Variants in CRACD observed in about 807,000 individuals in gnomAD.
CRACD encodes the protein capping protein inhibiting regulator of actin dynamics.
Under a neutral mutation model 106.8 loss-of-function variants are expected in CRACD, and 56 were observed. The ratio of observed to expected loss-of-function variants is 0.52; its 90% CI spans 0.42 to 0.66. The LOEUF (loss-of-function observed/expected upper bound fraction) is 0.66, where lower values mean the gene tolerates loss of function less well. Ranked by LOEUF, CRACD falls within the 30% of genes least tolerant of loss-of-function variation. CRACD has a pLI of 0.00. For missense variants in CRACD, 1,730 were observed against 1,623.2 expected, an observed-to-expected ratio of 1.07 and a Z score of -1.13; for synonymous variants, 754 against 670.8, an observed-to-expected ratio of 1.12 and a Z score of -1.92.
intron 1 of CRACD, among the ~76,000 whole-genome samples, chr4:56,177,313 T>C (rs544335694): frequency 1.3e-5 from 2 of 152,378 alleles, no homozygotes; most frequent in South Asian, 4.1e-4. Flanking sequence ...AGGAGGCATC[T>C]ATTGAAATCA....
At chr4:56,176,468 G>A (rs180766448) in intron 1 of CRACD, among the ~76,000 whole-genome samples, 151 of 139,502 alleles carry the variant, frequency 1.1e-3, no homozygotes, top group African/African-American at 3.1e-3. Context: ...TTGCTCTGTC[G>A]TCCAGACTGG....
chr4:56,200,933 GAA>G (rs1577734355), intron 2 of CRACD, among the ~76,000 whole-genome samples: 1 of 152,154 alleles, frequency 6.6e-6, no homozygotes, highest in East Asian at 1.9e-4. Flanking sequence ...ACTAATTTCA[GAA>G]TTAAAATTTA....
At chr4:56,298,473 G>T in intron 4 of CRACD, 124 bp downstream of exon 4, 2 of 1,136,866 alleles carry the variant, frequency 1.8e-6, no homozygotes, top group Non-Finnish European at 2.5e-6. Context: ...CTCCTGGTGA[G>T]AATTATTGCT....
intron 4 of CRACD, 61 bp downstream of exon 4, chr4:56,298,410 G>A (rs1744178901): frequency 1.3e-6 from 2 of 1,594,648 alleles, no homozygotes; most frequent in African/African-American, 1.3e-5. Flanking sequence ...GAAGGGAAGT[G>A]GGAAAAGTCC....
intron 1 of CRACD, among the ~76,000 whole-genome samples, chr4:56,121,785 AACTT>A (rs577287764): frequency 1.6e-3 from 240 of 152,346 alleles, no homozygotes; most frequent in African/African-American, 5.5e-3. Flanking sequence ...TCTGCAAACT[AACTT>A]ATCTGTAGAA....
At chr4:56,191,357 G>A (rs548308707) in intron 2 of CRACD, among the ~76,000 whole-genome samples, 2 of 151,808 alleles carry the variant, frequency 1.3e-5, no homozygotes, top group East Asian at 3.9e-4. Context: ...CAGCTGCATA[G>A]CATCTTCCAG....
chr4:56,232,930 T>C (rs2109539719), intron 2 of CRACD, among the ~76,000 whole-genome samples: 1 of 151,948 alleles, frequency 6.6e-6, no homozygotes, highest in East Asian at 1.9e-4. Flanking sequence ...GGTTTCACCA[T>C]ATCGAACAGG....
At chr4:56,306,421 G>A (rs187575584) in intron 4 of CRACD, among the ~76,000 whole-genome samples, 27 of 152,216 alleles carry the variant, frequency 1.8e-4, no homozygotes, top group Admixed American at 1.3e-3. Context: ...CTGAGCATGG[G>A]AGAATCATCT....
intron 1 of CRACD, among the ~76,000 whole-genome samples, chr4:56,098,330 T>C (rs928547266): frequency 6.6e-6 from 1 of 152,212 alleles, no homozygotes; most frequent in African/African-American, 2.4e-5. Context: ...ATTTTTTGTG[T>C]TTTCATATAT....
intron 2 of CRACD, among the ~76,000 whole-genome samples, chr4:56,185,859 G>A (rs1331439426): frequency 6.6e-6 from 1 of 152,138 alleles, no homozygotes; most frequent in African/African-American, 2.4e-5. Context: ...TTGGCATTGG[G>A]ATAGCTGGAG....
intron 10 of CRACD, among the ~76,000 whole-genome samples, chr4:56,325,659 T>G (rs1433417832): frequency 6.6e-6 from 1 of 152,218 alleles, no homozygotes; most frequent in Non-Finnish European, 1.5e-5. Flanking sequence ...AACGATGTAA[T>G]GTATCCAACT....
Position 56,314,410 on chromosome 4 carries a change from C to CAGAGCGGAG in CRACD, c.908_909insAGAGCGGAG (p.Arg306_Arg308dup). On this transcript the variant is annotated inframe_insertion, in exon 8 of 11. Coordinates refer to ENST00000682029, the MANE Select transcript of CRACD (RefSeq NM_001393381.1). The surrounding 1 kb of genome is among the most constrained non-coding windows in gnomAD (Gnocchi z 4.4). ...CTGGAAGCGCCAGGTTGGGAGGACG[C>CAGAGCGGAG]GGAGCGGAGGGAGCGTGAGGAGCGC... The CAGAGCGGAG allele has an allele frequency of 1.3e-6, 2 of 1,540,992 alleles. No homozygotes were observed. The highest frequency in any genetic ancestry group is 1.7e-6 in the Non-Finnish European group (2 of 1,143,526).
chr4:56,165,222 T>G (rs906341894), intron 1 of CRACD, among the ~76,000 whole-genome samples: 3 of 152,220 alleles, frequency 2.0e-5, no homozygotes, highest in Non-Finnish European at 4.4e-5. Context: ...CTGCCTTCAG[T>G]GATGTTTCTC....
intron 4 of CRACD, among the ~76,000 whole-genome samples, chr4:56,298,698 C>T (rs553297876): frequency 6.6e-6 from 1 of 152,126 alleles, no homozygotes; most frequent in South Asian, 2.1e-4. Context: ...TTTGGGAGGC[C>T]GAGGCGGGTG....
intron 1 of CRACD, among the ~76,000 whole-genome samples, chr4:56,090,195 TA>T (rs1177493822): frequency 1.3e-5 from 2 of 150,392 alleles, no homozygotes; most frequent in Admixed American, 1.3e-4. Context: ...TTAAGAAAGG[TA>T]AACTTTACAC....
chr4:56,096,090 A>G (rs1733591970), intron 1 of CRACD, among the ~76,000 whole-genome samples: 1 of 151,998 alleles, frequency 6.6e-6, no homozygotes, highest in African/African-American at 2.4e-5. Flanking sequence ...GCAGGGGAGG[A>G]TCAGAGGTTC....
At chr4:56,078,810 T>C (rs541875205) in intron 1 of CRACD, among the ~76,000 whole-genome samples, 1 of 152,204 alleles carries the variant, frequency 6.6e-6, no homozygotes, top group Non-Finnish European at 1.5e-5. Context: ...TGGTGGGGGT[T>C]ACCCTTGGCT....
intron 2 of CRACD, among the ~76,000 whole-genome samples, chr4:56,186,367 C>T (rs1369833736): frequency 6.6e-6 from 1 of 152,156 alleles, no homozygotes; most frequent in Non-Finnish European, 1.5e-5. Context: ...AAACACAGGA[C>T]AAACGATGAC....
At chr4:56,125,858 G>A (rs1433766213) in intron 1 of CRACD, among the ~76,000 whole-genome samples, 7 of 128,442 alleles carry the variant, frequency 5.4e-5, no homozygotes, top group African/African-American at 1.8e-4. Flanking sequence ...TGCAACCTCC[G>A]CCTCCCAGGT....
Sources: allele counts gnomAD v4.1 joint callset (sites outside exome capture counted in the v4.1 genomes callset), GRCh38; gene constraint gnomAD v4.1.1; non-coding constraint Gnocchi (gnomAD v3.1); transcripts MANE v1.5; gene names NCBI Gene and HGNC (gene_info 2026-07-23, HGNC 2026-07-21).